The following TANGO6 variants were observed in gnomAD, a reference collection of about 807,000 sequenced individuals.
TANGO6 encodes the protein transport and Golgi organization protein 6 homolog.
TANGO6 carries 90 observed loss-of-function variants against 114.2 expected under a neutral mutation model. That is an observed-to-expected ratio of 0.79 (90% CI 0.66 to 0.94). TANGO6 has a LOEUF of 0.94. Among genes scored for constraint, TANGO6 ranks in the 40% least tolerant of loss-of-function variants. The pLI is 0.00. For synonymous variants in TANGO6, 477 were observed against 509.8 expected (o/e 0.94, Z 0.87); for missense variants, 1,274 against 1,315.3 (o/e 0.97, Z 0.49).
At chr16:68,887,370 ATC>A (rs1401502112) in intron 7 of TANGO6, among the ~76,000 whole-genome samples, 29 of 152,194 alleles carry the variant, frequency 1.9e-4, no homozygotes, top group Non-Finnish European at 3.5e-4. Context: ...ACTGCAGGTT[ATC>A]TGGTTTTTCA....
At chr16:68,864,343 G>A (rs752490673) in intron 3 of TANGO6, among the ~76,000 whole-genome samples, 3 of 152,156 alleles carry the variant, frequency 2.0e-5, no homozygotes, top group Non-Finnish European at 4.4e-5. Flanking sequence ...GCAGGCTGAG[G>A]CAGGAGGATC....
intron 17 of TANGO6, among the ~76,000 whole-genome samples, chr16:69,051,395 G>C (rs532235633): frequency 1.3e-5 from 2 of 152,186 alleles, no homozygotes; most frequent in African/African-American, 4.8e-5. Context: ...AATACAAAAG[G>C]CTGGGCACAA....
intron 14 of TANGO6, among the ~76,000 whole-genome samples, chr16:68,971,910 C>G (rs534329968): frequency 6.6e-6 from 1 of 151,962 alleles, no homozygotes; most frequent in East Asian, 2.0e-4. Flanking sequence ...TGGGATTACA[C>G]GCGTGAGCCA....
Position 68,878,158 on chromosome 16 carries a change from G to A in TANGO6, c.1172G>A (p.Arg391Gln), listed in dbSNP as rs761384722. 13 of 1,610,934 alleles carry A rather than the reference G, an allele frequency of 8.1e-6. No individual in the cohort carries two copies. Among genetic ancestry groups the A allele is most frequent in the African/African-American group, 1.3e-5 (1 of 74,926 alleles). ...LFHFQDKLTARQFQRVATTTF... is the reference protein window; with the variant it reads ...LFHFQDKLTAQQFQRVATTTF... ...CACTTTCAAGATAAATTGACAGCAC[G>A]ACAATTTCAGAGAGTTGCCACCACT... is the stretch of plus-strand genomic sequence containing the variant. The change falls in exon 6 of 18, where the codon CGA becomes CAA. Residue 391 changes from arginine (R) to glutamine (Q), a missense_variant. Coordinates refer to ENST00000261778, the MANE Select transcript of TANGO6 (RefSeq NM_024562.2).
intron 7 of TANGO6, 46 bp downstream of exon 7, chr16:68,880,676 A>C: frequency 7.0e-7 from 1 of 1,430,088 alleles, no homozygotes. Flanking sequence ...TCTTATTTAA[A>C]ATTTTTTTTA....
chr16:68,967,227 G>T (rs938975921), intron 14 of TANGO6, among the ~76,000 whole-genome samples: 1 of 152,170 alleles, frequency 6.6e-6, no homozygotes, highest in Non-Finnish European at 1.5e-5. Context: ...GGAGGGCGGG[G>T]ATGGTTTCAG....
chr16:68,934,358 A>G (rs918078211), intron 14 of TANGO6, among the ~76,000 whole-genome samples: 2 of 152,090 alleles, frequency 1.3e-5, no homozygotes, highest in Non-Finnish European at 2.9e-5. Flanking sequence ...TTCTTTCTTT[A>G]TTCAACAAAA....
chr16:69,031,750 C>T (rs1011555705), intron 16 of TANGO6, among the ~76,000 whole-genome samples: 1 of 151,624 alleles, frequency 6.6e-6, no homozygotes, highest in Non-Finnish European at 1.5e-5. Context: ...CTCCACCTCC[C>T]GGGTTCAAGC....
At chr16:69,082,417 T>C (rs1960478729) in intron 17 of TANGO6, among the ~76,000 whole-genome samples, 1 of 152,032 alleles carries the variant, frequency 6.6e-6, no homozygotes, top group Non-Finnish European at 1.5e-5. Context: ...GACAGATTTT[T>C]AAAGTAGGGG....
intron 15 of TANGO6, among the ~76,000 whole-genome samples, chr16:69,020,584 C>T (rs577498593): frequency 4.6e-5 from 7 of 152,172 alleles, no homozygotes; most frequent in Admixed American, 2.0e-4. Flanking sequence ...TAGGACAGGT[C>T]AGTGATTTAT....
chr16:69,020,939 T>TG (rs1453687700), intron 15 of TANGO6, among the ~76,000 whole-genome samples: 250 of 148,894 alleles, frequency 1.7e-3, no homozygotes, highest in African/African-American at 6.1e-3. Flanking sequence ...TGTGTGTGTG[T>TG]GTGGTGTGTG....
rs138910673 is a variant in TANGO6 at position 68,987,645 on chromosome 16, T to A, written c.2842+13477T>A. 5.8e-3 allele frequency among the ~76,000 whole-genome samples: 885 copies of A among 152,292 alleles called. 10 individuals carry two copies. The highest frequency in any genetic ancestry group is 0.02 in the African/African-American group (833 of 41,570). On this transcript the variant is annotated intron_variant, in intron 15 of 17. Coordinates refer to ENST00000261778, the MANE Select transcript of TANGO6 (RefSeq NM_024562.2). ...TGGCTGAATTATAGTGCTGGAATTA[T>A]AGGCATGAGCCACTGCACCCAGCCT...
At position 68,902,402 on chromosome 16, in the gene TANGO6, G is replaced by T. The variant is rs199618030; in HGVS notation, c.1565G>T (p.Gly522Val). 203 of 1,613,756 alleles carry T rather than the reference G, an allele frequency of 1.3e-4. No individual in the cohort carries two copies. Among genetic ancestry groups the T allele is most frequent in the Middle Eastern group, 9.9e-4 (6 of 6,084 alleles). Residue 522 changes from glycine (G) to valine (V), a missense_variant, in exon 9 of 18, where the codon GGA becomes GTA. Transcript: ENST00000261778. ...AAGAAGGCAATTGCCAGCCTGAAAG[G>T]ATTTGCAGGGTTGGACAAAGCTGTG... is the stretch of plus-strand genomic sequence containing the variant. The part of the protein sequence containing the change: ...ERKKAIASLK[G>V]FAGLDKAVPS...
intron 15 of TANGO6, among the ~76,000 whole-genome samples, chr16:69,016,475 T>G (rs2092571791): frequency 6.6e-6 from 1 of 152,142 alleles, no homozygotes; most frequent in Non-Finnish European, 1.5e-5. Context: ...TCTCTCTTCA[T>G]GATGTTCCTT....
At chr16:68,919,662 T>G (rs1015355046) in intron 12 of TANGO6, among the ~76,000 whole-genome samples, 3 of 152,236 alleles carry the variant, frequency 2.0e-5, no homozygotes, top group Admixed American at 6.5e-5. Context: ...TCAGGTAGCA[T>G]GTTAAAGCTT....
chr16:68,951,339 G>A (rs1409653596), intron 14 of TANGO6, among the ~76,000 whole-genome samples: 1 of 151,560 alleles, frequency 6.6e-6, no homozygotes, highest in Non-Finnish European at 1.5e-5. Flanking sequence ...GGCAGGGTGG[G>A]GGGGTTGGGC....
At chr16:68,980,950 C>G (rs1057222269) in intron 15 of TANGO6, among the ~76,000 whole-genome samples, 1 of 151,826 alleles carries the variant, frequency 6.6e-6, no homozygotes. Context: ...GCCGAGATCA[C>G]GCCACTGCAC....
At chr16:69,018,207 G>T (rs1366320964) in intron 15 of TANGO6, among the ~76,000 whole-genome samples, 1 of 132,750 alleles carries the variant, frequency 7.5e-6, no homozygotes, top group African/African-American at 2.8e-5. Context: ...GCAGTGGTGT[G>T]ATCTCGGCTC....
At chr16:69,048,258 A>ATTTTTTTTT (rs71383949) in intron 17 of TANGO6, among the ~76,000 whole-genome samples, 400 of 111,528 alleles carry the variant, frequency 3.6e-3, no homozygotes, top group African/African-American at 5.1e-3. Context: ...AATTTTTTGT[A>ATTTTTTTTT]TTTTTTTTTT....
Sources: allele counts gnomAD v4.1 joint callset (sites outside exome capture counted in the v4.1 genomes callset), GRCh38; gene constraint gnomAD v4.1.1; transcripts MANE v1.5; gene names NCBI Gene and HGNC (gene_info 2026-07-23, HGNC 2026-07-21).